PTCHD4: variants seen among roughly 807,000 people sequenced by gnomAD.
PTCHD4 encodes patched domain containing 4.
A neutral mutation model predicts 58.1 loss-of-function variants in PTCHD4; 33 were observed. The observed-to-expected ratio is 0.57, with a 90% confidence interval of 0.43 to 0.76. The LOEUF is 0.76. PTCHD4 is among the 30% of genes least tolerant of loss of function. The pLI, the probability that PTCHD4 is intolerant of heterozygous loss-of-function variation, is 0.00. For synonymous variants in PTCHD4, 478 were observed against 409.6 expected, an observed-to-expected ratio of 1.17 and a Z score of -2.02; for missense variants, 1,058 against 1,027.1, an observed-to-expected ratio of 1.03 and a Z score of -0.41.
chr6:48,089,410 G>A (rs1478356451), intron 1 of PTCHD4, among the ~76,000 whole-genome samples: 1 of 152,050 alleles, frequency 6.6e-6, no homozygotes, highest in Non-Finnish European at 1.5e-5. Flanking sequence ...TAACCACACA[G>A]AAATTTTTGT....
intron 4 of PTCHD4, among the ~76,000 whole-genome samples, chr6:48,008,125 A>G (rs1286953656): frequency 1.3e-5 from 2 of 152,240 alleles, no homozygotes; most frequent in Non-Finnish European, 2.9e-5. Context: ...TAGTTTATAC[A>G]GAGGTAGGGG....
intron 3 of PTCHD4, among the ~76,000 whole-genome samples, chr6:48,030,041 C>T (rs759775194): frequency 3.9e-5 from 6 of 152,016 alleles, no homozygotes; most frequent in Non-Finnish European, 7.4e-5. Flanking sequence ...TCTGGCTTGG[C>T]TTCCTATCCT....
intron 1 of PTCHD4, among the ~76,000 whole-genome samples, chr6:48,074,665 GTTTGTTTTGTTTTGT>G (rs534028465): frequency 1.3e-5 from 2 of 152,148 alleles, no homozygotes; most frequent in Non-Finnish European, 2.9e-5. Context: ...TTTATGCAGA[GTTTGTTTTGTTTTGT>G]TTTGTTTTGT....
At chr6:48,029,498 G>A (rs945176522) in intron 3 of PTCHD4, among the ~76,000 whole-genome samples, 2 of 151,852 alleles carry the variant, frequency 1.3e-5, no homozygotes, top group African/African-American at 2.4e-5. Context: ...AATTCCTATG[G>A]CTTTTCTGCT....
chr6:48,090,852 G>A (rs1382327992), intron 1 of PTCHD4, among the ~76,000 whole-genome samples: 2 of 152,128 alleles, frequency 1.3e-5, no homozygotes, highest in African/African-American at 2.4e-5. Context: ...ACAATAGCAC[G>A]TTCAGTCATC....
At chr6:48,098,318 T>TTTCTTCTTCTTC (rs374977976) in intron 1 of PTCHD4, among the ~76,000 whole-genome samples, 3 of 142,606 alleles carry the variant, frequency 2.1e-5, no homozygotes, top group African/African-American at 7.8e-5. Context: ...TTTCTTTTCT[T>TTTCTTCTTCTTC]TTCTTCTTCT....
At chr6:47,961,887 A>G (rs1767110872) in intron 4 of PTCHD4, among the ~76,000 whole-genome samples, 1 of 152,134 alleles carries the variant, frequency 6.6e-6, no homozygotes, top group Admixed American at 6.6e-5. Flanking sequence ...ATAAACTTAC[A>G]ATAAGCAGAA....
intron 1 of PTCHD4, among the ~76,000 whole-genome samples, chr6:48,098,421 C>T (rs1245013124): frequency 2.6e-5 from 4 of 151,686 alleles, no homozygotes; most frequent in Non-Finnish European, 5.9e-5. Flanking sequence ...TCGCTGCAAC[C>T]TCCACCTCCC....
intron 3 of PTCHD4, among the ~76,000 whole-genome samples, chr6:48,065,587 A>G (rs1764766513): frequency 6.6e-6 from 1 of 152,220 alleles, no homozygotes; most frequent in Non-Finnish European, 1.5e-5. Flanking sequence ...GCTCTCTGCC[A>G]GGGAGTTCTG....
intron 4 of PTCHD4, among the ~76,000 whole-genome samples, chr6:47,923,840 C>T (rs1765507888): frequency 6.6e-6 from 1 of 152,156 alleles, no homozygotes; most frequent in Admixed American, 6.5e-5. Context: ...AGGTGAATGA[C>T]GAATGTCACC....
At chr6:48,025,020 C>T (rs3903926) in intron 3 of PTCHD4, among the ~76,000 whole-genome samples, 42,577 of 152,074 alleles carry the variant, frequency 0.28, 6,173 homozygotes, top group South Asian at 0.36. Context: ...GCTAGAGAAA[C>T]ATAACCTCAT....
rs1408345111 is a variant in PTCHD4, at chr6:48,068,903, C to A, written c.5+50G>T. The stretch of plus-strand genomic sequence containing the variant: ...GGGCGGCGGGCGCCGCGGGGCCCAC[C>A]CCCTCCCCGGTCTCCCCGCGCCCTC... On this transcript the variant is annotated intron_variant, in intron 2 of 4. Transcript: ENST00000339488. This position sits in a 1 kb window ranked among gnomAD's most constrained non-coding sequence, Gnocchi z 4.2. 6.6e-6 allele frequency among the ~76,000 whole-genome samples: 1 copy of A among 151,550 alleles called. No homozygotes were observed. The highest frequency in any genetic ancestry group is 1.5e-5 in the Non-Finnish European group (1 of 67,852).
chr6:47,952,924 A>T (rs959022542), intron 4 of PTCHD4, among the ~76,000 whole-genome samples: 16 of 152,042 alleles, frequency 1.1e-4, no homozygotes, highest in Admixed American at 1.0e-3. Context: ...TAGAGTAGAA[A>T]ATATATCACA....
intron 1 of PTCHD4, among the ~76,000 whole-genome samples, chr6:48,071,654 A>G (rs1022534041): frequency 6.6e-6 from 1 of 152,230 alleles, no homozygotes; most frequent in Non-Finnish European, 1.5e-5. Flanking sequence ...GAAATTAAAG[A>G]ATCAATATTA....
chr6:48,001,733 G>A (rs536385935), intron 4 of PTCHD4, among the ~76,000 whole-genome samples: 2 of 152,226 alleles, frequency 1.3e-5, no homozygotes, highest in South Asian at 2.1e-4. Flanking sequence ...CAAAAGCAAT[G>A]GCAACAAAAG....
intron 1 of PTCHD4, among the ~76,000 whole-genome samples, chr6:48,088,961 C>T (rs558538630): frequency 1.3e-5 from 2 of 152,238 alleles, no homozygotes; most frequent in African/African-American, 4.8e-5. Flanking sequence ...AAGAGAATCG[C>T]TTGAACCCAG....
chr6:47,906,341 T>C (rs1175755010), intron 4 of PTCHD4, among the ~76,000 whole-genome samples: 1 of 152,040 alleles, frequency 6.6e-6, no homozygotes, highest in Non-Finnish European at 1.5e-5. Context: ...AGAGAGAGAG[T>C]CCACCAAGCC....
At chr6:48,026,406 A>G (rs1763248554) in intron 3 of PTCHD4, among the ~76,000 whole-genome samples, 2 of 152,098 alleles carry the variant, frequency 1.3e-5, no homozygotes, top group Non-Finnish European at 2.9e-5. Flanking sequence ...GCAGCAGACA[A>G]TTTGGAATTT....
chr6:48,005,548 C>A (rs75781135), intron 4 of PTCHD4, among the ~76,000 whole-genome samples: 6,045 of 152,214 alleles, frequency 0.04, 170 homozygotes, highest in African/African-American at 0.065. Context: ...CGTATTTATG[C>A]TCAACTTCAC....
Sources: allele counts gnomAD v4.1 joint callset (sites outside exome capture counted in the v4.1 genomes callset), GRCh38; gene constraint gnomAD v4.1.1; non-coding constraint Gnocchi (gnomAD v3.1); transcripts MANE v1.5; gene names NCBI Gene and HGNC (gene_info 2026-07-23, HGNC 2026-07-21).